Variants in LRRC4C observed in about 807,000 individuals in gnomAD.
The protein encoded by LRRC4C is leucine-rich repeat-containing protein 4C.
Under a neutral mutation model 33.6 loss-of-function variants are expected in LRRC4C, and 5 were observed. The ratio of observed to expected loss-of-function variants is 0.15; its 90% CI spans 0.08 to 0.31. LRRC4C has a LOEUF of 0.31. LRRC4C is among the 10% of genes least tolerant of loss of function. The pLI is 1.00. For missense variants in LRRC4C, 560 were observed against 796.7 expected (o/e 0.70, Z 3.58); for synonymous variants, 329 against 302.0 (o/e 1.09, Z -0.93).
At chr11:41,349,813 T>C (rs1282377701) in intron 1 of LRRC4C, among the ~76,000 whole-genome samples, 1 of 152,240 alleles carries the variant, frequency 6.6e-6, no homozygotes, top group Non-Finnish European at 1.5e-5. Flanking sequence ...ATTCTTTTTT[T>C]TCTTTGAAAT....
intron 5 of LRRC4C, among the ~76,000 whole-genome samples, chr11:40,201,155 C>T (rs1253594902): frequency 6.6e-6 from 1 of 152,182 alleles, no homozygotes; most frequent in Non-Finnish European, 1.5e-5. Flanking sequence ...GCACGCAAGG[C>T]AGAAGGCACA....
chr11:40,650,355 C>A (rs1942718156), intron 2 of LRRC4C, among the ~76,000 whole-genome samples: 1 of 152,044 alleles, frequency 6.6e-6, no homozygotes, highest in Admixed American at 6.5e-5. Flanking sequence ...TTCACATAAA[C>A]CATCTGAAAA....
At chr11:40,952,304 G>A (rs1192906926) in intron 1 of LRRC4C, among the ~76,000 whole-genome samples, 3 of 151,746 alleles carry the variant, frequency 2.0e-5, no homozygotes, top group Admixed American at 6.6e-5. Flanking sequence ...ATATTTTCAG[G>A]GTTTATTTTG....
At chr11:40,640,528 G>C (rs940845172) in intron 3 of LRRC4C, among the ~76,000 whole-genome samples, 30 of 151,678 alleles carry the variant, frequency 2.0e-4, no homozygotes, top group Admixed American at 9.2e-4. Context: ...TTTTTAAAAA[G>C]GATGAAACAA....
At chr11:40,862,206 T>A (rs2135855212) in intron 2 of LRRC4C, among the ~76,000 whole-genome samples, 1 of 152,344 alleles carries the variant, frequency 6.6e-6, no homozygotes, top group Non-Finnish European at 1.5e-5. Flanking sequence ...TATTCTATAG[T>A]ATATTACTAA....
At chr11:41,262,552 GT>G (rs1217796385) in intron 1 of LRRC4C, among the ~76,000 whole-genome samples, 3 of 151,854 alleles carry the variant, frequency 2.0e-5, no homozygotes, top group Admixed American at 1.3e-4. Context: ...ATCCTCTAAC[GT>G]ATTATCAGTT....
chr11:41,320,445 A>T (rs775228046), intron 1 of LRRC4C, among the ~76,000 whole-genome samples: 14 of 152,242 alleles, frequency 9.2e-5, no homozygotes, highest in Non-Finnish European at 1.8e-4. Context: ...CTTTCAATAG[A>T]ATAGTGATTT....
intron 1 of LRRC4C, among the ~76,000 whole-genome samples, chr11:41,350,869 C>A (rs757209721): frequency 3.3e-5 from 5 of 152,102 alleles, no homozygotes; most frequent in Non-Finnish European, 7.4e-5. Context: ...CAGAATAGAC[C>A]AAGCTGAGCA....
chr11:40,431,257 T>C (rs976318107), intron 3 of LRRC4C, among the ~76,000 whole-genome samples: 7 of 151,634 alleles, frequency 4.6e-5, no homozygotes. Flanking sequence ...TGAAACACTG[T>C]CTCTACTAAA....
At position 41,264,151 on chromosome 11, in the gene LRRC4C, G is replaced by A. The variant is rs184197970; in HGVS notation, c.-496+195280C>T. Among the ~76,000 whole-genome samples the A allele has an allele frequency of 8.3e-4, 125 of 150,694 alleles. 2 individuals carry two copies. In the East Asian group the frequency reaches 0.024, roughly 29 times the overall value. On this transcript the variant is annotated intron_variant, in intron 1 of 6. Transcript: ENST00000528697. ...TTTATTGCCAGGCTGGAGTGCAGTG[G>A]CTCAATCTTGGCTCACTGCAACCTC...
chr11:40,954,567 C>T (rs1958869994), intron 1 of LRRC4C, among the ~76,000 whole-genome samples: 1 of 151,690 alleles, frequency 6.6e-6, no homozygotes, highest in Non-Finnish European at 1.5e-5. Flanking sequence ...GCATAGCATC[C>T]CTTTTTAAAA....
intron 1 of LRRC4C, among the ~76,000 whole-genome samples, chr11:41,317,288 C>T (rs1416116311): frequency 2.0e-5 from 3 of 151,462 alleles, no homozygotes; most frequent in African/African-American, 7.3e-5. Flanking sequence ...AGAATAATAT[C>T]GATTTCAAAT....
intron 2 of LRRC4C, among the ~76,000 whole-genome samples, chr11:40,656,963 A>G (rs1943153495): frequency 6.6e-6 from 1 of 152,138 alleles, no homozygotes; most frequent in Non-Finnish European, 1.5e-5. Context: ...TTTTGGCACA[A>G]TCTCCTGCTT....
intron 3 of LRRC4C, among the ~76,000 whole-genome samples, chr11:40,510,407 C>G (rs1955255111): frequency 6.6e-6 from 1 of 151,842 alleles, no homozygotes; most frequent in Non-Finnish European, 1.5e-5. Flanking sequence ...AACACATGTG[C>G]ATACACCATA....
At chr11:40,525,093 G>A (rs934918655) in intron 3 of LRRC4C, among the ~76,000 whole-genome samples, 2 of 152,026 alleles carry the variant, frequency 1.3e-5, no homozygotes, top group Non-Finnish European at 2.9e-5. Context: ...TCATGGAAAG[G>A]GATAAATGAG....
intron 2 of LRRC4C, among the ~76,000 whole-genome samples, chr11:40,692,881 C>T (rs1279051554): frequency 6.6e-6 from 1 of 151,956 alleles, no homozygotes; most frequent in Non-Finnish European, 1.5e-5. Context: ...TATCTATGAA[C>T]CCTACACATA....
chr11:40,261,424 T>C (rs1458447632), intron 4 of LRRC4C, among the ~76,000 whole-genome samples: 2 of 152,154 alleles, frequency 1.3e-5, no homozygotes, highest in East Asian at 1.9e-4. Context: ...AAGGCCGATA[T>C]ATTTTCCAGT....
At chr11:40,938,621 A>T (rs1423755053) in intron 1 of LRRC4C, among the ~76,000 whole-genome samples, 1 of 152,148 alleles carries the variant, frequency 6.6e-6, no homozygotes, top group African/African-American at 2.4e-5. Flanking sequence ...GACATTTCCA[A>T]AAATATGACC....
intron 1 of LRRC4C, among the ~76,000 whole-genome samples, chr11:41,247,500 C>A (rs190583818): frequency 3.3e-5 from 5 of 152,310 alleles, no homozygotes; most frequent in African/African-American, 9.6e-5. Context: ...GCAATGATGT[C>A]TTTTTACTAC....
Sources: gnomAD v4.1 joint callset for allele counts (sites outside exome capture counted in the v4.1 genomes callset) on GRCh38, gnomAD v4.1.1 for gene constraint, MANE v1.5 for transcripts, NCBI Gene and HGNC (gene_info 2026-07-23, HGNC 2026-07-21) for gene names.